Variants in TMEM128 observed in about 807,000 individuals in gnomAD.
The protein encoded by TMEM128 is transmembrane protein 128.
A neutral mutation model predicts 19.7 loss-of-function variants in TMEM128; 16 were observed. That is an observed-to-expected ratio of 0.81 (90% CI 0.55 to 1.23). The LOEUF is 1.23. TMEM128 is among the 50% of genes most tolerant of loss of function. The pLI is 0.00. For missense variants in TMEM128, 237 were observed against 200.8 expected, an observed-to-expected ratio of 1.18 and a Z score of -1.09; for synonymous variants, 98 against 75.8, an observed-to-expected ratio of 1.29 and a Z score of -1.52.
At chr4:4,248,042 G>A (rs1718269513) in intron 1 of TMEM128, 64 bp downstream of exon 1, 2 of 1,525,974 alleles carry the variant, frequency 1.3e-6, no homozygotes, top group Admixed American at 2.0e-5. Flanking sequence ...AGGGCTGCCG[G>A]AGGCCGGCCG....
intron 1 of TMEM128, chr4:4,247,536 T>G (rs1225378002): frequency 1.2e-6 from 2 of 1,612,478 alleles, no homozygotes; most frequent in Non-Finnish European, 1.7e-6. Flanking sequence ...CAACCACCAC[T>G]TACAATTTCT....
At chr4:4,246,784 G>A (rs188582522) in intron 1 of TMEM128, among the ~76,000 whole-genome samples, 1 of 151,386 alleles carries the variant, frequency 6.6e-6, no homozygotes, top group African/African-American at 2.4e-5. Context: ...GTCTTCCTCT[G>A]TCGCCCGGGT....
In TMEM128 at chr4:4,248,146, G is replaced by C. The variant is rs971360182; in HGVS notation, c.57C>G (p.Asp19Glu). 1 of 1,533,812 alleles carries C rather than the reference G, an allele frequency of 6.5e-7. No individual in the cohort carries two copies. The highest frequency in any genetic ancestry group is 8.8e-7 in the Non-Finnish European group (1 of 1,142,050). The part of the protein sequence containing the change: ...QLRRRFLLLP[D>E]AEAQLDREGD... ...CCTCGCGGTCCAGCTGGGCCTCGGC[G>C]TCCGGCAGGAGGAGGAATCGCCGCC... Residue 19 changes from aspartate to glutamate, a missense_variant, in exon 1 of 5, where the codon GAC becomes GAG. By Grantham distance (45) the Asp-to-Glu change is conservative (BLOSUM62 2). Coordinates refer to ENST00000382753, the MANE Select transcript of TMEM128 (RefSeq NM_001297551.2).
At chr4:4,240,008 A>C (rs1477047315) in intron 3 of TMEM128, among the ~76,000 whole-genome samples, 1 of 152,212 alleles carries the variant, frequency 6.6e-6, no homozygotes, top group Non-Finnish European at 1.5e-5. Context: ...ACTTCATGAG[A>C]ATTCATTCAC....
intron 3 of TMEM128, among the ~76,000 whole-genome samples, chr4:4,240,005 G>T (rs542289224): frequency 1.3e-5 from 2 of 152,302 alleles, no homozygotes; most frequent in South Asian, 2.1e-4. Context: ...CTCACTTCAT[G>T]AGAATTCATT....
intron 3 of TMEM128, among the ~76,000 whole-genome samples, chr4:4,238,622 T>C (rs1717821066): frequency 6.6e-6 from 1 of 152,180 alleles, no homozygotes; most frequent in Non-Finnish European, 1.5e-5. Context: ...CGTATCTGCA[T>C]GCCCCCACAT....
intron 1 of TMEM128, 148 bp from the exon 2 acceptor site, chr4:4,246,491 T>C (rs887155976): frequency 1.4e-6 from 1 of 736,460 alleles, no homozygotes; most frequent in Non-Finnish European, 2.1e-6. Context: ...GAGATAGGTT[T>C]ATATTTACAA....
intron 4 of TMEM128, chr4:4,237,016 T>C: frequency 2.2e-6 from 1 of 448,444 alleles, no homozygotes. Flanking sequence ...AATAACAGAG[T>C]TATCCGACAC....
At chr4:4,245,577 C>A (rs1410112800) in intron 2 of TMEM128, among the ~76,000 whole-genome samples, 1 of 152,116 alleles carries the variant, frequency 6.6e-6, no homozygotes, top group Admixed American at 6.5e-5. Flanking sequence ...AATTTACTAC[C>A]TTCCTCATCC....
intron 1 of TMEM128, 107 bp downstream of exon 1, chr4:4,247,999 C>A (rs569133038): frequency 2.0e-6 from 3 of 1,467,540 alleles, no homozygotes; most frequent in East Asian, 2.5e-5. Flanking sequence ...ATTCGACTTG[C>A]AAAGCCGAAA....
chr4:4,246,632 A>G (rs1718186964), intron 1 of TMEM128, among the ~76,000 whole-genome samples: 1 of 152,244 alleles, frequency 6.6e-6, no homozygotes, highest in Non-Finnish European at 1.5e-5. Context: ...AAGAATTTTA[A>G]TATTATGTTT....
At chr4:4,243,786 T>C (rs12500165) in intron 2 of TMEM128, among the ~76,000 whole-genome samples, 46,874 of 151,938 alleles carry the variant, frequency 0.31, 7,817 homozygotes, top group East Asian at 0.46. Context: ...ACAGCAGTTA[T>C]GTGGTCCTGG....
chr4:4,243,375 C>T (rs1348116816), intron 2 of TMEM128, among the ~76,000 whole-genome samples: 1 of 152,202 alleles, frequency 6.6e-6, no homozygotes, highest in Non-Finnish European at 1.5e-5. Flanking sequence ...AGCCACCGCG[C>T]CTGGCCTGTT....
chr4:4,236,737 T>C (rs1717739198), intron 4 of TMEM128, among the ~76,000 whole-genome samples: 1 of 152,236 alleles, frequency 6.6e-6, no homozygotes, highest in Non-Finnish European at 1.5e-5. Flanking sequence ...GTCCATTTCT[T>C]CTTTACACAG....
At chr4:4,243,148 C>T (rs1718029245) in intron 2 of TMEM128, among the ~76,000 whole-genome samples, 1 of 152,158 alleles carries the variant, frequency 6.6e-6, no homozygotes. Context: ...GGCGCGATCT[C>T]GGCTCACTGC....
chr4:4,245,750 TGATA>T (rs1018293928), intron 2 of TMEM128, among the ~76,000 whole-genome samples: 2 of 151,972 alleles, frequency 1.3e-5, no homozygotes, highest in African/African-American at 2.4e-5. Context: ...TGTGATGACT[TGATA>T]TATATATACA....
intron 2 of TMEM128, among the ~76,000 whole-genome samples, chr4:4,241,927 G>C (rs1393172426): frequency 1.3e-5 from 2 of 152,098 alleles, no homozygotes; most frequent in African/African-American, 4.8e-5. Context: ...TTCTGAGCCG[G>C]AGTCTTGCTC....
intron 1 of TMEM128, chr4:4,247,573 T>C (rs2916468): frequency 0.39 from 630,137 of 1,612,212 alleles, 125,090 homozygotes; most frequent in African/African-American, 0.5. Flanking sequence ...TTCTATGCAT[T>C]CACAGGTGAA....
chr4:4,246,410 C>G, intron 1 of TMEM128, 67 bp from the exon 2 acceptor site: 1 of 1,485,404 alleles, frequency 6.7e-7, no homozygotes, highest in South Asian at 1.3e-5. Context: ...TACACTTAAG[C>G]CAAATAAAAT....
Sources: allele counts gnomAD v4.1 joint callset (sites outside exome capture counted in the v4.1 genomes callset), GRCh38; gene constraint gnomAD v4.1.1; transcripts MANE v1.5; gene names NCBI Gene and HGNC (gene_info 2026-07-23, HGNC 2026-07-21).